Variants in CRIM1 observed in about 807,000 individuals in gnomAD.
CRIM1 encodes the protein cysteine rich transmembrane BMP regulator 1.
Under a neutral mutation model 116.4 loss-of-function variants are expected in CRIM1, and 32 were observed. That is an observed-to-expected ratio of 0.27 (90% CI 0.21 to 0.37). The LOEUF is 0.37. Among genes scored for constraint, CRIM1 ranks in the 10% least tolerant of loss-of-function variants. The pLI, the probability that CRIM1 is intolerant of heterozygous loss-of-function variation, is 1.00. For synonymous variants in CRIM1, 590 were observed against 509.2 expected, an observed-to-expected ratio of 1.16 and a Z score of -2.13; for missense variants, 1,331 against 1,354.8, an observed-to-expected ratio of 0.98 and a Z score of 0.28.
Position 36,513,635 on chromosome 2 carries a change from G to A in CRIM1, c.1860G>A (p.Glu620=). The change falls in exon 11 of 17, where the codon GAG becomes GAA. Residue 620 remains glutamate (E), a synonymous_variant. Transcript: ENST00000280527. ...TVDGHHHKNE[E]SWHDGCRECY... ...ATGGTCATCATCATAAAAATGAGGAGAGCTGGCACGATGGGTGCCGGGAAT... is the reference window on the plus strand; with the variant it reads ...ATGGTCATCATCATAAAAATGAGGAAAGCTGGCACGATGGGTGCCGGGAAT... 1 of 1,614,188 alleles carries A rather than the reference G, an allele frequency of 6.2e-7. No individual in the cohort carries two copies. Among genetic ancestry groups the A allele is most frequent in the Non-Finnish European group, 8.5e-7 (1 of 1,180,016 alleles).
intron 1 of CRIM1, among the ~76,000 whole-genome samples, chr2:36,363,538 C>CCT (rs1669382244): frequency 6.9e-6 from 1 of 144,020 alleles, no homozygotes; most frequent in Admixed American, 6.9e-5. Flanking sequence ...CGCCCCCCCC[C>CCT]CCCATGACTA....
chr2:36,516,260 T>C (rs1558391532), intron 11 of CRIM1, among the ~76,000 whole-genome samples: 2 of 152,134 alleles, frequency 1.3e-5, no homozygotes, highest in Non-Finnish European at 2.9e-5. Context: ...TCTCTGCATA[T>C]ATGGGCCCAT....
intron 1 of CRIM1, among the ~76,000 whole-genome samples, chr2:36,383,239 G>T (rs1442187456): frequency 1.3e-5 from 2 of 152,166 alleles, no homozygotes; most frequent in African/African-American, 2.4e-5. Flanking sequence ...TTTTCTACAT[G>T]TGTATGTTTA....
chr2:36,458,479 G>GA (rs1467621360), intron 4 of CRIM1, among the ~76,000 whole-genome samples: 1 of 152,140 alleles, frequency 6.6e-6, no homozygotes, highest in Non-Finnish European at 1.5e-5. Context: ...TGTAGGGTCT[G>GA]AAACATGCCT....
intron 5 of CRIM1, among the ~76,000 whole-genome samples, chr2:36,474,267 C>A (rs955050201): frequency 1.3e-5 from 2 of 152,126 alleles, no homozygotes; most frequent in African/African-American, 4.8e-5. Context: ...TTCTCCCAAT[C>A]TGTAGGGTTG....
chr2:36,408,890 A>T (rs1673008505), intron 2 of CRIM1, among the ~76,000 whole-genome samples: 1 of 152,118 alleles, frequency 6.6e-6, no homozygotes, highest in African/African-American at 2.4e-5. Flanking sequence ...GATCATTTCA[A>T]ATGTTCTTAT....
intron 13 of CRIM1, among the ~76,000 whole-genome samples, chr2:36,532,850 A>G (rs1666210725): frequency 6.6e-6 from 1 of 152,224 alleles, no homozygotes; most frequent in South Asian, 2.1e-4. Flanking sequence ...TGCAGGTAAC[A>G]TGCTTAACAC....
At chr2:36,483,059 C>A (rs539479466) in intron 7 of CRIM1, among the ~76,000 whole-genome samples, 14 of 152,142 alleles carry the variant, frequency 9.2e-5, no homozygotes, top group South Asian at 4.2e-4. Flanking sequence ...ATGATGAATT[C>A]TTAGCAAGTT....
At chr2:36,483,266 A>G (rs73924843) in intron 7 of CRIM1, among the ~76,000 whole-genome samples, 4,808 of 152,276 alleles carry the variant, frequency 0.032, 227 homozygotes, top group African/African-American at 0.11. Context: ...AATGGCATAC[A>G]TAGACGACAC....
chr2:36,543,115 G>GAAGAC (rs1667063227), intron 14 of CRIM1, among the ~76,000 whole-genome samples: 1 of 152,118 alleles, frequency 6.6e-6, no homozygotes, highest in Non-Finnish European at 1.5e-5. Flanking sequence ...TAAGAAAGCA[G>GAAGAC]AAGACTATTC....
intron 1 of CRIM1, among the ~76,000 whole-genome samples, chr2:36,371,977 G>A (rs1669974770): frequency 6.6e-6 from 1 of 152,214 alleles, no homozygotes; most frequent in African/African-American, 2.4e-5. Flanking sequence ...CCAGGATTGT[G>A]TCTTAACAAA....
intron 1 of CRIM1, among the ~76,000 whole-genome samples, chr2:36,368,910 C>T (rs780658605): frequency 6.6e-6 from 1 of 152,118 alleles, no homozygotes; most frequent in Non-Finnish European, 1.5e-5. Flanking sequence ...TTATGTTGTA[C>T]TATGGCTTGC....
rs750402894 is a variant in CRIM1, at chr2:36,458,767, G to A, written c.870-5767G>A. ...GCTGAGGTCAGTTTGCAGCAGTGAC[G>A]GGAATGGGAATGGCAGTGATAGAAT... On this transcript the variant is annotated intron_variant, in intron 4 of 16. Transcript: ENST00000280527. Among the ~76,000 whole-genome samples the A allele has an allele frequency of 2.6e-5, 4 of 152,082 alleles. 1 individual carries two copies. The highest frequency in any genetic ancestry group is 5.9e-5 in the Non-Finnish European group (4 of 68,012).
chr2:36,453,130 G>A (rs1016390020), intron 4 of CRIM1, among the ~76,000 whole-genome samples: 1 of 152,184 alleles, frequency 6.6e-6, no homozygotes, highest in Admixed American at 6.5e-5. Context: ...CCTTTACATT[G>A]GATATGGCTT....
rs568900594 is a variant in CRIM1 at position 36,375,518 on chromosome 2, C to G, written c.331+18895C>G. ...ATATTTTATGTAAATGTTAAGTGCTCTTTAGATTAGCAAAAGGAAGACAAA... is the reference window on the plus strand; with the variant it reads ...ATATTTTATGTAAATGTTAAGTGCTGTTTAGATTAGCAAAAGGAAGACAAA... On this transcript the variant is annotated intron_variant, in intron 1 of 16. Coordinates refer to ENST00000280527, the MANE Select transcript of CRIM1 (RefSeq NM_016441.3). 1.4e-4 allele frequency among the ~76,000 whole-genome samples: 21 copies of G among 152,254 alleles called. No homozygotes were observed. The Middle Eastern group carries it at 0.014, about 99-fold the overall frequency.
chr2:36,367,632 T>C (rs150787701), intron 1 of CRIM1, among the ~76,000 whole-genome samples: 10 of 152,158 alleles, frequency 6.6e-5, no homozygotes, highest in African/African-American at 2.4e-4. Context: ...AATATTACCT[T>C]GTGTTTGCAG....
At chr2:36,481,206 C>A (rs1436518897) in intron 7 of CRIM1, among the ~76,000 whole-genome samples, 1 of 152,176 alleles carries the variant, frequency 6.6e-6, no homozygotes, top group Non-Finnish European at 1.5e-5. Flanking sequence ...GAAGGCTGAT[C>A]CTTTTGCACC....
At chr2:36,425,807 T>G (rs974243353) in intron 2 of CRIM1, among the ~76,000 whole-genome samples, 3 of 152,180 alleles carry the variant, frequency 2.0e-5, no homozygotes, top group African/African-American at 4.8e-5. Context: ...TATACAAGAT[T>G]TATTACTCAG....
intron 1 of CRIM1, among the ~76,000 whole-genome samples, chr2:36,360,021 A>C (rs1026886282): frequency 6.6e-6 from 1 of 152,232 alleles, no homozygotes; most frequent in Admixed American, 6.5e-5. Flanking sequence ...ATCTGGATGG[A>C]AGACATCTTT....
Sources: allele counts gnomAD v4.1 joint callset (sites outside exome capture counted in the v4.1 genomes callset), GRCh38; gene constraint gnomAD v4.1.1; transcripts MANE v1.5; gene names NCBI Gene and HGNC (gene_info 2026-07-23, HGNC 2026-07-21).